ADAMTSL1: variants seen among roughly 807,000 people sequenced by gnomAD.
ADAMTSL1 encodes the protein ADAMTS like 1.
A neutral mutation model predicts 201.8 loss-of-function variants in ADAMTSL1; 126 were observed. The ratio of observed to expected loss-of-function variants is 0.62; its 90% CI spans 0.54 to 0.72. The LOEUF is 0.72. ADAMTSL1 is among the 30% of genes least tolerant of loss of function. ADAMTSL1 has a pLI of 0.00. For synonymous variants in ADAMTSL1, 1,121 were observed against 903.4 expected, an observed-to-expected ratio of 1.24 and a Z score of -4.32; for missense variants, 2,679 against 2,277.8, an observed-to-expected ratio of 1.18 and a Z score of -3.59.
At chr9:18,696,896 T>TATTATTA (rs1564159146) in intron 13 of ADAMTSL1, among the ~76,000 whole-genome samples, 1 of 146,176 alleles carries the variant, frequency 6.8e-6, no homozygotes, top group Non-Finnish European at 1.5e-5. Flanking sequence ...TTATTATTAT[T>TATTATTA]TTGAGATGGA....
intron 1 of ADAMTSL1, among the ~76,000 whole-genome samples, chr9:18,146,183 C>G (rs1826630650): frequency 6.6e-6 from 1 of 152,046 alleles, no homozygotes; most frequent in South Asian, 2.1e-4. Context: ...TTAGAAAGCT[C>G]AAAATAGTCT....
intron 4 of ADAMTSL1, among the ~76,000 whole-genome samples, chr9:18,591,664 G>A (rs1203300412): frequency 6.6e-6 from 1 of 152,054 alleles, no homozygotes; most frequent in African/African-American, 2.4e-5. Context: ...AAGTTATTGT[G>A]GTTTTGGACC....
At chr9:18,903,204 AAG>A (rs1830108612) in intron 26 of ADAMTSL1, among the ~76,000 whole-genome samples, 1 of 152,198 alleles carries the variant, frequency 6.6e-6, no homozygotes. Flanking sequence ...AAAACATAAA[AAG>A]AAAAAGAAAA....
chr9:18,335,561 AAC>A (rs1050703704), intron 2 of ADAMTSL1, among the ~76,000 whole-genome samples: 1 of 152,144 alleles, frequency 6.6e-6, no homozygotes, highest in African/African-American at 2.4e-5. Context: ...TCCATAATAG[AAC>A]AGATTCTGGA....
chr9:17,915,049 T>C (rs1287291484), intron 1 of ADAMTSL1, among the ~76,000 whole-genome samples: 2 of 152,218 alleles, frequency 1.3e-5, no homozygotes, highest in African/African-American at 2.4e-5. Flanking sequence ...TTGCATTGTA[T>C]TGAGGTATAA....
At chr9:18,758,449 C>G (rs1411122514) in intron 16 of ADAMTSL1, among the ~76,000 whole-genome samples, 1 of 152,098 alleles carries the variant, frequency 6.6e-6, no homozygotes, top group Non-Finnish European at 1.5e-5. Context: ...TCAGAAGTCC[C>G]AACTCAATCT....
intron 1 of ADAMTSL1, among the ~76,000 whole-genome samples, chr9:18,025,977 T>G (rs1820676180): frequency 6.6e-6 from 1 of 152,064 alleles, no homozygotes; most frequent in Non-Finnish European, 1.5e-5. Context: ...CCTCCTTGGT[T>G]AGATGTATTC....
chr9:18,698,054 AC>A (rs1831668484), intron 13 of ADAMTSL1, among the ~76,000 whole-genome samples: 1 of 152,242 alleles, frequency 6.6e-6, no homozygotes, highest in African/African-American at 2.4e-5. Flanking sequence ...AGATTTAATA[AC>A]TTTTATTTAT....
At chr9:18,033,906 T>A (rs1409462493) in intron 1 of ADAMTSL1, among the ~76,000 whole-genome samples, 2 of 152,194 alleles carry the variant, frequency 1.3e-5, no homozygotes, top group Non-Finnish European at 2.9e-5. Flanking sequence ...CTTCTTTAAC[T>A]TTTGTATACA....
chr9:18,086,548 C>T (rs1319839044), intron 1 of ADAMTSL1, among the ~76,000 whole-genome samples: 2 of 152,114 alleles, frequency 1.3e-5, no homozygotes, highest in Admixed American at 1.3e-4. Context: ...CATTCTTTTA[C>T]CTACTGGTTT....
At chr9:17,968,605 C>A (rs1348980691) in intron 1 of ADAMTSL1, among the ~76,000 whole-genome samples, 1 of 152,096 alleles carries the variant, frequency 6.6e-6, no homozygotes, top group African/African-American at 2.4e-5. Flanking sequence ...GGAGGATGTT[C>A]TCCCACACAA....
chr9:17,918,272 A>G (rs1325846538), intron 1 of ADAMTSL1, among the ~76,000 whole-genome samples: 2 of 151,766 alleles, frequency 1.3e-5, no homozygotes, highest in Non-Finnish European at 3.0e-5. Flanking sequence ...TCTCAAACAC[A>G]GATGTTTAAT....
At chr9:18,669,186 G>C (rs1272060642) in intron 9 of ADAMTSL1, among the ~76,000 whole-genome samples, 1 of 152,188 alleles carries the variant, frequency 6.6e-6, no homozygotes, top group East Asian at 1.9e-4. Context: ...CACATACCCA[G>C]GTTAGGCAAG....
chr9:18,720,676 G>A (rs568680054), intron 14 of ADAMTSL1, among the ~76,000 whole-genome samples: 55 of 152,262 alleles, frequency 3.6e-4, no homozygotes, highest in African/African-American at 1.3e-3. Flanking sequence ...CCAGCTACTC[G>A]GGAGGCTGAG....
chr9:18,307,520 C>G (rs1236525602), intron 2 of ADAMTSL1, among the ~76,000 whole-genome samples: 1 of 151,378 alleles, frequency 6.6e-6, no homozygotes, highest in Non-Finnish European at 1.5e-5. Flanking sequence ...AAAGGGAAAA[C>G]CAAAAAAAAG....
At chr9:18,622,174 A>T in intron 4 of ADAMTSL1, 69 bp from the exon 5 acceptor site, 1 of 1,575,538 alleles carries the variant, frequency 6.3e-7, no homozygotes, top group East Asian at 2.2e-5. Flanking sequence ...TTTCATGGTG[A>T]TTGGCCTCAT....
At chr9:17,907,207 C>G (rs1427764019) in intron 1 of ADAMTSL1, among the ~76,000 whole-genome samples, 3 of 152,174 alleles carry the variant, frequency 2.0e-5, no homozygotes, top group Non-Finnish European at 4.4e-5. Flanking sequence ...AGAGCCGGGG[C>G]GAGAAGGCGG....
intron 4 of ADAMTSL1, among the ~76,000 whole-genome samples, chr9:18,605,644 C>A (rs2132566723): frequency 6.6e-6 from 1 of 152,292 alleles, no homozygotes; most frequent in Admixed American, 6.5e-5. Context: ...CTTCCTATAT[C>A]CCTCATTTTG....
At chr9:18,494,455 G>A (rs1822427139) in intron 1 of ADAMTSL1, among the ~76,000 whole-genome samples, 1 of 152,032 alleles carries the variant, frequency 6.6e-6, no homozygotes, top group Admixed American at 6.6e-5. Context: ...AGGAGCAGGA[G>A]TACACAAGTC....
Sources: gnomAD v4.1 joint callset for allele counts (sites outside exome capture counted in the v4.1 genomes callset) on GRCh38, gnomAD v4.1.1 for gene constraint, MANE v1.5 for transcripts, NCBI Gene and HGNC (gene_info 2026-07-23, HGNC 2026-07-21) for gene names.